DOCK5: variants seen among roughly 807,000 people sequenced by gnomAD.
DOCK5 encodes dedicator of cytokinesis 5.
DOCK5 carries 142 observed loss-of-function variants against 251.8 expected under a neutral mutation model. The ratio of observed to expected loss-of-function variants is 0.56; its 90% CI spans 0.49 to 0.65. The LOEUF (loss-of-function observed/expected upper bound fraction) is 0.65, where lower values mean the gene tolerates loss of function less well. DOCK5 is among the 30% of genes least tolerant of loss of function. DOCK5 has a pLI of 0.00. For synonymous variants in DOCK5, 842 were observed against 835.5 expected (o/e 1.01, Z -0.13); for missense variants, 2,111 against 2,312.3 (o/e 0.91, Z 1.79).
At chr8:25,394,391 T>C (rs1173106510) in intron 44 of DOCK5, among the ~76,000 whole-genome samples, 1 of 152,040 alleles carries the variant, frequency 6.6e-6, no homozygotes, top group Non-Finnish European at 1.5e-5. Context: ...GACATTTCCA[T>C]AGGAAGAACT....
chr8:25,280,026 A>G (rs1174201967), intron 5 of DOCK5, among the ~76,000 whole-genome samples: 1 of 152,174 alleles, frequency 6.6e-6, no homozygotes, highest in Non-Finnish European at 1.5e-5. Flanking sequence ...TGGCCTCCCA[A>G]AGTGTTGGGA....
At chr8:25,284,745 C>T (rs1029286379) in intron 5 of DOCK5, among the ~76,000 whole-genome samples, 3 of 152,178 alleles carry the variant, frequency 2.0e-5, no homozygotes, top group Non-Finnish European at 4.4e-5. Context: ...TTTATCTTGT[C>T]GATAACAACT....
chr8:25,410,226 T>C (rs781334194), intron 51 of DOCK5, 24 bp downstream of exon 51: 3 of 1,604,330 alleles, frequency 1.9e-6, no homozygotes, highest in South Asian at 2.2e-5. Flanking sequence ...AGCTGGCAAC[T>C]GTGGCCAGGG....
intron 18 of DOCK5, among the ~76,000 whole-genome samples, chr8:25,330,849 A>G (rs1327841111): frequency 6.6e-6 from 1 of 152,086 alleles, no homozygotes; most frequent in Non-Finnish European, 1.5e-5. Flanking sequence ...CCGAGGCAGG[A>G]GGCTTGCTTT....
At chr8:25,216,181 CA>C in intron 1 of DOCK5, among the ~76,000 whole-genome samples, 3 of 129,296 alleles carry the variant, frequency 2.3e-5, no homozygotes, top group Non-Finnish European at 3.3e-5. Flanking sequence ...TATGTGCATA[CA>C]ATATGTATAT....
chr8:25,254,788 C>CA (rs1314015647), intron 2 of DOCK5, among the ~76,000 whole-genome samples: 2 of 73,786 alleles, frequency 2.7e-5, no homozygotes, highest in Non-Finnish European at 4.5e-5. Context: ...AAAAACAAAA[C>CA]AAAACAAAAA....
chr8:25,396,636 T>C (rs995862880), intron 45 of DOCK5, among the ~76,000 whole-genome samples: 10 of 152,154 alleles, frequency 6.6e-5, no homozygotes, highest in East Asian at 1.9e-4. Flanking sequence ...TTTTTGAATA[T>C]AAACTTTTTG....
intron 5 of DOCK5, among the ~76,000 whole-genome samples, chr8:25,280,040 C>G (rs558674128): frequency 6.6e-6 from 1 of 152,202 alleles, no homozygotes; most frequent in Non-Finnish European, 1.5e-5. Flanking sequence ...GTTGGGATTA[C>G]GGGCGTGAGC....
chr8:25,368,784 A>C, intron 33 of DOCK5, 59 bp downstream of exon 33: 14 of 1,505,034 alleles, frequency 9.3e-6, no homozygotes, highest in Non-Finnish European at 1.1e-5. Flanking sequence ...ATCATAACTC[A>C]TTTCTTTCTA....
chr8:25,212,109 C>T lies in DOCK5; in HGVS notation c.43+27158C>T, dbSNP rs542096855. 3.1e-4 allele frequency among the ~76,000 whole-genome samples: 20 copies of T among 65,196 alleles called. 6 individuals are homozygous for T. Among genetic ancestry groups the T allele is most frequent in the African/African-American group, 5.5e-4 (16 of 28,934 alleles). 42.8% of individuals were successfully genotyped at this position (65,196 alleles called of 152,430 possible). On this transcript the variant is annotated intron_variant, in intron 1 of 51. Transcript: ENST00000276440. Reference sequence around the variant, plus strand: ...CTGGGAGGCAGAGTTTGCAGTGAGCCGAGATTATGCCACTGTTTTCCAGCC... The same window carrying T: ...CTGGGAGGCAGAGTTTGCAGTGAGCTGAGATTATGCCACTGTTTTCCAGCC...
At chr8:25,300,057 C>T (rs1310860270) in intron 8 of DOCK5, among the ~76,000 whole-genome samples, 4 of 152,144 alleles carry the variant, frequency 2.6e-5, no homozygotes. Flanking sequence ...AGGCACCTGC[C>T]ACCATGCCCA....
chr8:25,200,468 C>T (rs1248655792), intron 1 of DOCK5, among the ~76,000 whole-genome samples: 1 of 152,154 alleles, frequency 6.6e-6, no homozygotes, highest in Non-Finnish European at 1.5e-5. Flanking sequence ...AAAGTGTTGA[C>T]AAAGGTGAGA....
chr8:25,408,410 C>T (rs2048080), intron 49 of DOCK5, among the ~76,000 whole-genome samples: 80,690 of 152,034 alleles, frequency 0.53, 23,119 homozygotes, highest in Middle Eastern at 0.64. Flanking sequence ...TTAGAGCTGT[C>T]GTTCTTGCCA....
chr8:25,224,603 T>C (rs745454835), intron 1 of DOCK5, among the ~76,000 whole-genome samples: 9 of 152,214 alleles, frequency 5.9e-5, no homozygotes, highest in Non-Finnish European at 1.3e-4. Flanking sequence ...AGAGAAACTT[T>C]CATTTAAAAT....
intron 7 of DOCK5, 89 bp downstream of exon 7, chr8:25,296,737 A>C: frequency 6.6e-7 from 1 of 1,520,516 alleles, no homozygotes; most frequent in South Asian, 1.2e-5. Flanking sequence ...ATTGAGAACA[A>C]AACTACTTCT....
intron 40 of DOCK5, 92 bp from the exon 41 acceptor site, chr8:25,388,999 G>A: frequency 1.6e-6 from 2 of 1,229,300 alleles, no homozygotes; most frequent in South Asian, 1.4e-5. Flanking sequence ...AACGTTGGCT[G>A]GGGAGTGCAG....
chr8:25,298,959 C>A lies in DOCK5; in HGVS notation c.622C>A (p.Leu208Ile), dbSNP rs780635996. Reference protein sequence around the residue: ...IQEEKSILQNLDLRGQSIFST... With the variant: ...IQEEKSILQNIDLRGQSIFST... ...CTTTGTTCAGTCAATCCTGCAGAAC[C>A]TCGATTTGCGGGGCCAGTCCATCTT... The change falls in exon 8 of 52, where the codon CTC (leucine) becomes ATC (isoleucine). Residue 208 changes from leucine to isoleucine, a missense_variant. Leu to Ile is a conservative substitution (Grantham distance 5, BLOSUM62 2). Coordinates refer to ENST00000276440, the MANE Select transcript of DOCK5 (RefSeq NM_024940.8). The A allele has an allele frequency of 1.9e-6, 3 of 1,612,128 alleles. No individual in the cohort carries two copies. The highest frequency in any genetic ancestry group is 2.2e-5 in the South Asian group (2 of 90,614).
chr8:25,340,566 A>AT (rs1333407324), intron 22 of DOCK5, among the ~76,000 whole-genome samples: 2 of 152,246 alleles, frequency 1.3e-5, no homozygotes, highest in African/African-American at 4.8e-5. Flanking sequence ...TAAGGCAAGC[A>AT]TGTATCAGCG....
intron 48 of DOCK5, among the ~76,000 whole-genome samples, chr8:25,405,927 A>C (rs1313412542): frequency 6.6e-6 from 1 of 152,174 alleles, no homozygotes; most frequent in Non-Finnish European, 1.5e-5. Flanking sequence ...GCTCAGGTAT[A>C]TAATATCAAA....
Sources: allele counts gnomAD v4.1 joint callset (sites outside exome capture counted in the v4.1 genomes callset), GRCh38; gene constraint gnomAD v4.1.1; transcripts MANE v1.5; gene names NCBI Gene and HGNC (gene_info 2026-07-23, HGNC 2026-07-21).